The following DCT variants were observed in gnomAD, a reference collection of about 807,000 sequenced individuals.
DCT encodes the protein L-dopachrome tautomerase.
In DCT, 47 loss-of-function variants were observed where a neutral mutation model predicts 53.0. The ratio of observed to expected loss-of-function variants is 0.89; its 90% CI spans 0.70 to 1.13. DCT has a LOEUF of 1.13. Ranked by LOEUF, DCT falls within the 50% of genes most tolerant of loss-of-function variation. DCT has a pLI of 0.00. For synonymous variants in DCT, 244 were observed against 237.0 expected, an observed-to-expected ratio of 1.03 and a Z score of -0.27; for missense variants, 669 against 637.4, an observed-to-expected ratio of 1.05 and a Z score of -0.53.
At chr13:94,532,564 C>T in the DCT span, among the ~76,000 whole-genome samples, 1 of 152,152 alleles carries the variant, frequency 6.6e-6, no homozygotes, top group Non-Finnish European at 1.5e-5. Context: ...CATGTTCTCA[C>T]TCATAGGTGG....
chr13:94,485,759 G>C, the DCT span, among the ~76,000 whole-genome samples: 3 of 152,088 alleles, frequency 2.0e-5, no homozygotes, highest in Non-Finnish European at 4.4e-5. Context: ...GGTGAGAAAG[G>C]GCTAAAAGTA....
chr13:94,541,356 T>G, the DCT span, among the ~76,000 whole-genome samples: 2 of 151,890 alleles, frequency 1.3e-5, no homozygotes, highest in Non-Finnish European at 2.9e-5. Flanking sequence ...GTACAAAAAT[T>G]AGCTGGACGT....
chr13:94,527,643 C>T, the DCT span, among the ~76,000 whole-genome samples: 1 of 152,174 alleles, frequency 6.6e-6, no homozygotes, highest in Middle Eastern at 3.2e-3. Context: ...TTACCAATAT[C>T]AAAGACCAAA....
At chr13:94,444,186 G>A (rs1045429063) in intron 6 of DCT, among the ~76,000 whole-genome samples, 2 of 152,154 alleles carry the variant, frequency 1.3e-5, no homozygotes, top group African/African-American at 4.8e-5. Context: ...TGAAGGAAAT[G>A]CTCATTGGAG....
At chr13:94,461,880 G>T in intron 5 of DCT, 130 bp downstream of exon 5, 1 of 706,134 alleles carries the variant, frequency 1.4e-6, no homozygotes, top group Non-Finnish European at 2.3e-6. Flanking sequence ...AACTTCTCTC[G>T]TTAGGCCTCT....
chr13:94,469,071 A>C, intron 1 of DCT, 26 bp from the exon 2 acceptor site: 4 of 1,588,868 alleles, frequency 2.5e-6, no homozygotes, highest in Non-Finnish European at 3.5e-6. Flanking sequence ...GAAAGATGGA[A>C]AGGAAGGGGG....
chr13:94,438,983 T>C lies in DCT; in HGVS notation c.*915A>G, dbSNP rs1306442902. 1 of 200,868 alleles carries C rather than the reference T, an allele frequency of 5.0e-6. No individual in the cohort carries two copies. The highest frequency in any genetic ancestry group is 1.0e-5 in the Non-Finnish European group (1 of 98,456). The allele number at this position is 200,868 out of a possible 1,614,324, so 12.4% of individuals were successfully genotyped here. On this transcript the variant is annotated 3_prime_UTR_variant, in exon 8 of 8. Transcript: ENST00000377028. ...AGGATCAGCCAAAGAGACCTCAGAGTAATGGGACTCAAGTCAAATTGTCTC... is the reference window on the plus strand; with the variant it reads ...AGGATCAGCCAAAGAGACCTCAGAGCAATGGGACTCAAGTCAAATTGTCTC...
chr13:94,505,900 A>G, the DCT span, among the ~76,000 whole-genome samples: 1 of 152,178 alleles, frequency 6.6e-6, no homozygotes, highest in Non-Finnish European at 1.5e-5. Context: ...AATCTTGGAA[A>G]CATCCATGTG....
chr13:94,473,185 G>A (rs573536866), intron 1 of DCT, among the ~76,000 whole-genome samples: 1 of 152,132 alleles, frequency 6.6e-6, no homozygotes, highest in African/African-American at 2.4e-5. Context: ...CTTTAGGATG[G>A]TGCAAAATCA....
the DCT span, among the ~76,000 whole-genome samples, chr13:94,515,625 T>A: frequency 6.6e-6 from 1 of 152,180 alleles, no homozygotes; most frequent in Non-Finnish European, 1.5e-5. Flanking sequence ...CAAGAAGGGC[T>A]TGGAGTGGTT....
chr13:94,508,637 A>G, the DCT span, among the ~76,000 whole-genome samples: 7 of 152,318 alleles, frequency 4.6e-5, no homozygotes, highest in Admixed American at 2.0e-4. Flanking sequence ...GGAATATGAA[A>G]GACAGTTTTT....
At chr13:94,531,812 G>A in the DCT span, among the ~76,000 whole-genome samples, 1 of 152,120 alleles carries the variant, frequency 6.6e-6, no homozygotes, top group Admixed American at 6.5e-5. Context: ...AAACCAAAGA[G>A]CTTCTGCACA....
chr13:94,479,811 C>T (rs1885361344), upstream of DCT: 1 of 153,068 alleles, frequency 6.5e-6, no homozygotes, highest in Non-Finnish European at 1.5e-5. Flanking sequence ...TCATCATTAG[C>T]ACATGACCCA....
intron 6 of DCT, among the ~76,000 whole-genome samples, chr13:94,447,469 C>T (rs773291802): frequency 2.0e-5 from 3 of 152,220 alleles, no homozygotes; most frequent in Non-Finnish European, 4.4e-5. Context: ...GCTTACCATC[C>T]ACCTGCTGTG....
chr13:94,508,218 C>G, the DCT span, among the ~76,000 whole-genome samples: 3 of 152,194 alleles, frequency 2.0e-5, no homozygotes, highest in African/African-American at 7.2e-5. Context: ...AAGCACTGAG[C>G]AGACCACTTT....
the DCT span, among the ~76,000 whole-genome samples, chr13:94,489,761 T>TACAC: frequency 4.6e-3 from 695 of 150,470 alleles, 5 homozygotes; most frequent in African/African-American, 0.015. Flanking sequence ...GAATGATTAA[T>TACAC]ACACACACAC....
the DCT span, among the ~76,000 whole-genome samples, chr13:94,515,098 G>T: frequency 6.6e-6 from 1 of 152,166 alleles, no homozygotes; most frequent in Non-Finnish European, 1.5e-5. Flanking sequence ...CAAGAAGATG[G>T]CAGTCTATGA....
At chr13:94,520,465 A>G in the DCT span, among the ~76,000 whole-genome samples, 2 of 152,242 alleles carry the variant, frequency 1.3e-5, no homozygotes, top group African/African-American at 4.8e-5. Context: ...GCTGGAAGAC[A>G]GCATCCGACC....
intron 4 of DCT, among the ~76,000 whole-genome samples, chr13:94,463,784 G>A (rs1883977268): frequency 6.6e-6 from 1 of 152,126 alleles, no homozygotes; most frequent in Admixed American, 6.5e-5. Context: ...CAGTATGTGA[G>A]AATATAATCA....
Sources: gnomAD v4.1 joint callset for allele counts (sites outside exome capture counted in the v4.1 genomes callset) on GRCh38, gnomAD v4.1.1 for gene constraint, MANE v1.5 for transcripts, NCBI Gene and HGNC (gene_info 2026-07-23, HGNC 2026-07-21) for gene names.